SIPA1L3: variants seen among roughly 807,000 people sequenced by gnomAD.
The protein encoded by SIPA1L3 is signal induced proliferation associated 1 like 3, also known as signal-induced proliferation-associated 1-like protein 3.
A neutral mutation model predicts 150.1 loss-of-function variants in SIPA1L3; 59 were observed. The observed-to-expected ratio is 0.39, with a 90% CI of 0.32 to 0.49. The LOEUF (loss-of-function observed/expected upper bound fraction) is 0.49. Among genes scored for constraint, SIPA1L3 ranks in the 20% least tolerant of loss-of-function variants. The pLI is 0.86. For missense variants in SIPA1L3, 2,211 were observed against 2,489.5 expected (o/e 0.89, Z 2.38); for synonymous variants, 1,070 against 1,077.6 (o/e 0.99, Z 0.14).
intron 15 of SIPA1L3, among the ~76,000 whole-genome samples, chr19:38,167,333 C>T (rs1210852224): frequency 6.6e-6 from 1 of 150,584 alleles, no homozygotes; most frequent in East Asian, 2.0e-4. Flanking sequence ...ACTTTTAATG[C>T]TGATCAATCC....
intron 19 of SIPA1L3, chr19:38,200,596 T>C (rs1012008970): frequency 2.6e-5 from 4 of 152,160 alleles, no homozygotes; most frequent in Non-Finnish European, 5.9e-5. Context: ...AAGGGTATTA[T>C]TCAGAGAATC....
intron 12 of SIPA1L3, among the ~76,000 whole-genome samples, 173 bp downstream of exon 12, chr19:38,142,883 A>T (rs1014119917): frequency 2.6e-5 from 4 of 152,114 alleles, no homozygotes; most frequent in Admixed American, 2.6e-4. Context: ...TTTTGGAGCA[A>T]AACTGGGCCG....
intron 1 of SIPA1L3, among the ~76,000 whole-genome samples, chr19:37,956,490 T>G (rs1010327777): frequency 6.7e-6 from 1 of 148,920 alleles, no homozygotes; most frequent in African/African-American, 2.5e-5. Context: ...AAGTTTTGTT[T>G]TTTTTTTTTT....
chr19:38,017,970 G>A (rs1286928373), intron 1 of SIPA1L3, among the ~76,000 whole-genome samples: 2 of 151,856 alleles, frequency 1.3e-5, no homozygotes, highest in Non-Finnish European at 1.5e-5. Context: ...ACAGCGCCTC[G>A]AGCACCAGCT....
rs760130502 is a variant in SIPA1L3 at position 38,081,711 on chromosome 19, C to T, written c.146C>T (p.Pro49Leu). Residue 49 changes from proline (P) to leucine (L), a missense_variant, in exon 3 of 22, where the codon CCT becomes CTT. Pro to Leu is a moderately conservative substitution (Grantham distance 98, BLOSUM62 -3). Coordinates refer to ENST00000222345, the MANE Select transcript of SIPA1L3 (RefSeq NM_015073.3). The part of the protein sequence containing the change: ...FWAQNGSMSQ[P>L]LGESPATATA... ...GCCCAGAATGGCAGCATGTCCCAGC[C>T]TCTTGGCGAGAGCCCGGCCACCGCC... is the stretch of plus-strand genomic sequence containing the variant. The T allele has an allele frequency of 3.1e-6, 5 of 1,609,588 alleles. No individual in the cohort carries two copies. In the African/African-American group the frequency reaches 4.0e-5, roughly 13 times the overall value.
chr19:37,941,487 T>C (rs1259138772), intron 1 of SIPA1L3, among the ~76,000 whole-genome samples: 1 of 149,220 alleles, frequency 6.7e-6, no homozygotes, highest in Non-Finnish European at 1.5e-5. Context: ...GAGATTCAAA[T>C]CTTCCTTGTT....
chr19:38,190,986 TG>T (rs1268607830), intron 16 of SIPA1L3, among the ~76,000 whole-genome samples: 1 of 152,220 alleles, frequency 6.6e-6, no homozygotes, highest in Admixed American at 6.5e-5. Flanking sequence ...GGCCTTGATT[TG>T]AAACCTGACT....
intron 1 of SIPA1L3, among the ~76,000 whole-genome samples, chr19:37,961,665 G>C (rs767267013): frequency 1.8e-4 from 27 of 152,128 alleles, no homozygotes; most frequent in Non-Finnish European, 2.9e-4. Context: ...TGTTCCATCA[G>C]ATTTGGGATG....
At chr19:38,007,620 A>G (rs1967984770) in intron 1 of SIPA1L3, among the ~76,000 whole-genome samples, 1 of 151,252 alleles carries the variant, frequency 6.6e-6, no homozygotes, top group Admixed American at 6.6e-5. Context: ...ATTATTATTA[A>G]TTCTTCTTCT....
intron 1 of SIPA1L3, among the ~76,000 whole-genome samples, chr19:38,000,742 C>T (rs957118386): frequency 1.4e-5 from 2 of 147,964 alleles, no homozygotes; most frequent in African/African-American, 4.9e-5. Context: ...ATGTCTCTTC[C>T]CCACTTCTCT....
In SIPA1L3 at chr19:38,182,581, C is replaced by T. The variant is rs1432231160; in HGVS notation, c.4271C>T (p.Pro1424Leu). ...TACAAAACTGCCAGTGCAGAGACTC[C>T]TCGGCCCTCCCAGCTGGCCCAGCCC... ...QVYKTASAET[P>L]RPSQLAQPSP... Residue 1424 changes from proline (P) to leucine (L), a missense_variant, in exon 16 of 22, where the codon CCT becomes CTT. Physicochemically the swap from Pro to Leu is moderately conservative, Grantham distance 98. This residue lies in a region of SIPA1L3 where 806 missense variants were observed against 870.1 expected (regional missense o/e 0.93). Transcript: ENST00000222345. The T allele has an allele frequency of 1.2e-6, 2 of 1,614,220 alleles. No homozygotes were observed. The highest frequency in any genetic ancestry group is 1.7e-6 in the Non-Finnish European group (2 of 1,180,044).
rs142497465 is a variant in SIPA1L3 at position 38,206,143 on chromosome 19, G to T, written c.5249G>T (p.Arg1750Leu). 6.4e-6 allele frequency: 10 copies of T among 1,551,222 alleles called. No individual in the cohort carries two copies. The highest frequency in any genetic ancestry group is 2.4e-5 in the East Asian group (1 of 40,900). ...VVLQSEVASL[R>L]QNNQRLQEES... is the part of the protein sequence containing the mutation. ...CTCCAGTCAGAGGTGGCCAGCCTGC[G>T]GCAGAACAACCAGCGGCTGCAGGAG... is the stretch of plus-strand genomic sequence containing the variant. The change falls in exon 22 of 22, where the codon CGG (arginine) becomes CTG (leucine). Residue 1750 changes from arginine (R) to leucine (L), a missense_variant. Coordinates refer to ENST00000222345, the MANE Select transcript of SIPA1L3 (RefSeq NM_015073.3).
At chr19:38,067,968 G>C (rs1599994788) in intron 2 of SIPA1L3, among the ~76,000 whole-genome samples, 1 of 151,590 alleles carries the variant, frequency 6.6e-6, no homozygotes, top group Non-Finnish European at 1.5e-5. Flanking sequence ...GTGGTCCCAT[G>C]TATGCTCAAA....
At chr19:37,965,462 C>T (rs979280452) in intron 1 of SIPA1L3, among the ~76,000 whole-genome samples, 3 of 151,728 alleles carry the variant, frequency 2.0e-5, no homozygotes, top group Non-Finnish European at 4.4e-5. Context: ...ATTACAGGCG[C>T]GTGCCACCAT....
chr19:37,953,978 A>G (rs920520491), intron 1 of SIPA1L3, among the ~76,000 whole-genome samples: 1 of 152,210 alleles, frequency 6.6e-6, no homozygotes, highest in Non-Finnish European at 1.5e-5. Flanking sequence ...GCTAACATCT[A>G]AAATAAGCTT....
At chr19:38,155,192 G>T (rs188440150) in intron 13 of SIPA1L3, among the ~76,000 whole-genome samples, 2 of 151,990 alleles carry the variant, frequency 1.3e-5, no homozygotes, top group African/African-American at 2.4e-5. Context: ...CATTCATTCC[G>T]GTGGGCAGGT....
In SIPA1L3 at chr19:38,082,868, G is replaced by T; in HGVS notation, c.1303G>T (p.Gly435Trp). The T allele has an allele frequency of 1.9e-6, 3 of 1,613,566 alleles. No homozygotes were observed. Among genetic ancestry groups the T allele is most frequent in the East Asian group, 2.2e-5 (1 of 44,860 alleles). The change falls in exon 3 of 22, where the codon GGG becomes TGG. Residue 435 changes from glycine to tryptophan, a missense_variant. By Grantham distance (184) the Gly-to-Trp change is radical. Around this residue, in one of 5 missense-constraint regions of SIPA1L3, gnomAD observed 587 missense variants for 534.5 expected, o/e 1.10. Transcript: ENST00000222345. The stretch of plus-strand genomic sequence containing the variant: ...CTGCCCGCACTTCCGCAATGAGATC[G>T]GGGGCGAGTGTGAGCGCAACGTGAG... Reference protein sequence around the residue: ...LSCPHFRNEIGGECERNVSFS... With the variant: ...LSCPHFRNEIWGECERNVSFS...
chr19:37,969,127 G>C (rs1465016623), intron 1 of SIPA1L3, among the ~76,000 whole-genome samples: 1 of 152,156 alleles, frequency 6.6e-6, no homozygotes, highest in Non-Finnish European at 1.5e-5. Flanking sequence ...TCAGCTACTA[G>C]GGAGGCTGTG....
intron 2 of SIPA1L3, among the ~76,000 whole-genome samples, chr19:38,055,724 A>G (rs1283017187): frequency 6.6e-6 from 1 of 152,232 alleles, no homozygotes; most frequent in Non-Finnish European, 1.5e-5. Context: ...GGATTCTCCC[A>G]CTGCGGGCCT....
Sources: allele counts gnomAD v4.1 joint callset (sites outside exome capture counted in the v4.1 genomes callset), GRCh38; gene constraint gnomAD v4.1.1; regional missense constraint gnomAD v4.1.1; transcripts MANE v1.5; gene names NCBI Gene and HGNC (gene_info 2026-07-23, HGNC 2026-07-21).